The following CHEK2 variants were observed in gnomAD, a reference collection of about 807,000 sequenced individuals.
CHEK2 encodes the protein checkpoint kinase 2.
In CHEK2, 71 loss-of-function variants were observed where a neutral mutation model predicts 69.1. That is an observed-to-expected ratio of 1.03 (90% confidence interval 0.85 to 1.25). The LOEUF is 1.25. Ranked by LOEUF, CHEK2 falls within the 50% of genes most tolerant of loss-of-function variation. CHEK2 has a pLI of 0.00. For missense variants in CHEK2, 664 were observed against 649.6 expected (o/e 1.02, Z -0.24); for synonymous variants, 189 against 226.9 (o/e 0.83, Z 1.50).
chr22:28,692,367 A>G (rs1190515489), intron 13 of CHEK2, among the ~76,000 whole-genome samples: 2 of 152,062 alleles, frequency 1.3e-5, no homozygotes, highest in Non-Finnish European at 2.9e-5. Context: ...CCAGGGTCCC[A>G]CTGTTTCAAA....
chr22:28,716,028 GCTAA>G (rs1305772164), intron 5 of CHEK2, among the ~76,000 whole-genome samples: 1 of 151,766 alleles, frequency 6.6e-6, no homozygotes, highest in East Asian at 1.9e-4. Context: ...GCAACGCTCA[GCTAA>G]CTTTTTCTAT....
chr22:28,713,712 G>A (rs983906872), intron 5 of CHEK2, among the ~76,000 whole-genome samples: 5 of 150,688 alleles, frequency 3.3e-5, no homozygotes, highest in Non-Finnish European at 7.4e-5. Flanking sequence ...ATATAGGCTC[G>A]ATCTGTCACC....
chr22:28,702,086 G>A (rs1268546411), intron 8 of CHEK2, among the ~76,000 whole-genome samples: 2 of 148,912 alleles, frequency 1.3e-5, no homozygotes, highest in Non-Finnish European at 1.5e-5. Flanking sequence ...TAAATCACAG[G>A]GATTCCAGGC....
chr22:28,732,762 A>C (rs1204288539), intron 2 of CHEK2, among the ~76,000 whole-genome samples: 3 of 152,144 alleles, frequency 2.0e-5, no homozygotes, highest in African/African-American at 7.2e-5. Flanking sequence ...TATCCTGTTA[A>C]TGCCAAGTTC....
intron 5 of CHEK2, among the ~76,000 whole-genome samples, chr22:28,718,327 G>A (rs1207321499): frequency 6.6e-6 from 1 of 152,106 alleles, no homozygotes; most frequent in Admixed American, 6.6e-5. Flanking sequence ...CACTGTTGGT[G>A]GGAAAGTAAA....
chr22:28,732,438 G>T (rs1290188555), intron 2 of CHEK2, among the ~76,000 whole-genome samples: 3 of 151,936 alleles, frequency 2.0e-5, no homozygotes, highest in Non-Finnish European at 2.9e-5. Flanking sequence ...ACAGAGACAG[G>T]GTTTCCCCAT....
intron 2 of CHEK2, chr22:28,730,280 AAG>A (rs2054168317): frequency 4.1e-6 from 1 of 243,942 alleles, no homozygotes; most frequent in Admixed American, 1.0e-4. Flanking sequence ...AGGAAAGCGG[AAG>A]GGAAAGGAAA....
intron 13 of CHEK2, among the ~76,000 whole-genome samples, chr22:28,692,045 G>C (rs1218287115): frequency 6.6e-6 from 1 of 152,168 alleles, no homozygotes; most frequent in Non-Finnish European, 1.5e-5. Context: ...GAGTATTCCA[G>C]GGAGATCCTG....
At chr22:28,722,732 G>T (rs1169077651) in intron 4 of CHEK2, among the ~76,000 whole-genome samples, 2 of 151,932 alleles carry the variant, frequency 1.3e-5, no homozygotes, top group African/African-American at 4.8e-5. Context: ...GTTAGATGGG[G>T]TCTCACCATG....
At position 28,711,032 on chromosome 22, in the gene CHEK2, T is replaced by C. The variant is rs547779924; in HGVS notation, c.792+877A>G. Among the ~76,000 whole-genome samples the C allele has an allele frequency of 2.0e-5, 3 of 152,202 alleles. No individual in the cohort carries two copies. The East Asian group carries it at 5.8e-4, about 29-fold the overall frequency. On this transcript the variant is annotated intron_variant, in intron 6 of 14. Transcript: ENST00000404276. ...CTCTTGCCATGTGAGAATGGCATTG[T>C]CTAGGGGGAAAAAAAATTGATCTTT... is the stretch of plus-strand genomic sequence containing the variant.
intron 8 of CHEK2, among the ~76,000 whole-genome samples, chr22:28,701,633 A>G (rs1388503627): frequency 6.6e-6 from 1 of 152,222 alleles, no homozygotes; most frequent in Non-Finnish European, 1.5e-5. Context: ...GCAGGAGCAG[A>G]TATCAAGACA....
intron 1 of CHEK2, among the ~76,000 whole-genome samples, chr22:28,737,497 G>T: frequency 6.9e-6 from 1 of 144,966 alleles, no homozygotes; most frequent in East Asian, 2.0e-4. Flanking sequence ...TTTTTGAAAC[G>T]GAGTCTCAGT....
intron 5 of CHEK2, among the ~76,000 whole-genome samples, chr22:28,715,700 G>A (rs543123745): frequency 2.0e-5 from 3 of 152,076 alleles, no homozygotes; most frequent in Admixed American, 6.6e-5. Flanking sequence ...GATTACAGGC[G>A]TTAGCCACTA....
intron 5 of CHEK2, among the ~76,000 whole-genome samples, chr22:28,719,187 C>T (rs2053681702): frequency 6.6e-6 from 1 of 152,026 alleles, no homozygotes; most frequent in Admixed American, 6.6e-5. Flanking sequence ...CAGAGCAACA[C>T]CCTGTCTCAC....
intron 2 of CHEK2, among the ~76,000 whole-genome samples, chr22:28,731,920 G>A (rs2054229496): frequency 6.6e-6 from 1 of 151,684 alleles, no homozygotes; most frequent in African/African-American, 2.4e-5. Flanking sequence ...AGGCCTATCT[G>A]AAAAAATATA....
chr22:28,712,806 AATATAC>A (rs1193742047), intron 5 of CHEK2, among the ~76,000 whole-genome samples: 1 of 152,230 alleles, frequency 6.6e-6, no homozygotes, highest in East Asian at 1.9e-4. Flanking sequence ...TATTGTGTTA[AATATAC>A]ATAACACAAA....
At position 28,734,522 on chromosome 22, in the gene CHEK2, G is replaced by T. The variant is rs886041171; in HGVS notation, c.200C>A (p.Ser67Tyr). 1 of 1,613,810 alleles carries T rather than the reference G, an allele frequency of 6.2e-7. No homozygotes were observed. The highest frequency in any genetic ancestry group is 1.7e-5 in the Admixed American group (1 of 59,950). The change falls in exon 2 of 15, where the codon TCC (serine) becomes TAC (tyrosine). Residue 67 changes from serine (S) to tyrosine (Y), a missense_variant. By Grantham distance (144) the Ser-to-Tyr change is moderately radical. Transcript: ENST00000404276. ...SGTLSSLETV[S>Y]TQELYSIPED... is the part of the protein sequence containing the mutation. ...AGGAATAGAATAGAGTTCCTGAGTG[G>T]ACACTGTCTCTAAGGAGCTCAGTGT...
chr22:28,690,723 A>G (rs2052329574), intron 13 of CHEK2, among the ~76,000 whole-genome samples: 1 of 151,620 alleles, frequency 6.6e-6, no homozygotes, highest in Admixed American at 6.6e-5. Context: ...GGATCACTTG[A>G]GCCTGAAAGT....
chr22:28,719,931 C>A (rs17879183), intron 4 of CHEK2, among the ~76,000 whole-genome samples: 7 of 152,062 alleles, frequency 4.6e-5, no homozygotes, highest in Non-Finnish European at 1.0e-4. Flanking sequence ...TATCACCATA[C>A]GGGTATTATC....
Sources: allele counts gnomAD v4.1 joint callset (sites outside exome capture counted in the v4.1 genomes callset), GRCh38; gene constraint gnomAD v4.1.1; transcripts MANE v1.5; gene names NCBI Gene and HGNC (gene_info 2026-07-23, HGNC 2026-07-21).